Variants in HSF5 observed in about 807,000 individuals in gnomAD.
The protein encoded by HSF5 is heat shock factor protein 5.
A neutral mutation model predicts 50.8 loss-of-function variants in HSF5; 5 were observed. The observed-to-expected ratio is 0.10, with a 90% CI of 0.05 to 0.21. The LOEUF (loss-of-function observed/expected upper bound fraction) is 0.21, where lower values mean the gene tolerates loss of function less well. Ranked by LOEUF, HSF5 falls within the 10% of genes least tolerant of loss-of-function variation. HSF5 has a pLI of 1.00. For synonymous variants in HSF5, 307 were observed against 307.4 expected (o/e 1.00, Z 0.02); for missense variants, 564 against 762.6 (o/e 0.74, Z 3.07).
At position 58,459,019 on chromosome 17, in the gene HSF5, G is replaced by A. The variant is rs1054154288; in HGVS notation, c.1543-74C>T. The A allele has an allele frequency of 2.2e-6, 3 of 1,342,296 alleles. No individual in the cohort carries two copies. The African/African-American group carries it at 4.4e-5, about 20-fold the overall frequency. 83.1% of individuals were successfully genotyped at this position (1,342,296 alleles called of 1,614,324 possible). A position where few individuals can be genotyped will look rare whatever the true frequency, so the allele number is the denominator to read the frequency against. Reference sequence around the variant, plus strand: ...CTAAAAGTTAAGATATTTTATCAGAGGAGTTCTATTATGGGAACATGATCC... The same window carrying A: ...CTAAAAGTTAAGATATTTTATCAGAAGAGTTCTATTATGGGAACATGATCC... On this transcript the variant is annotated intron_variant, in intron 4 of 5. Transcript: ENST00000323777.
intron 2 of HSF5, among the ~76,000 whole-genome samples, chr17:58,477,294 A>AT (rs937356535): frequency 6.7e-6 from 1 of 149,602 alleles, no homozygotes; most frequent in African/African-American, 2.5e-5. Context: ...TAATTTTTGT[A>AT]TTTTTTTGGT....
chr17:58,454,599 CA>C (rs1974684913), intron 5 of HSF5, among the ~76,000 whole-genome samples: 1 of 151,938 alleles, frequency 6.6e-6, no homozygotes, highest in African/African-American at 2.4e-5. Flanking sequence ...AAGATTCCAC[CA>C]AAAAAATTGG....
intron 5 of HSF5, among the ~76,000 whole-genome samples, chr17:58,455,088 C>T (rs891659751): frequency 6.6e-6 from 1 of 151,994 alleles, no homozygotes; most frequent in Admixed American, 6.6e-5. Context: ...ACTACCAAAG[C>T]GATAGTAACC....
intron 5 of HSF5, among the ~76,000 whole-genome samples, chr17:58,433,911 ATTTTTTTTT>A (rs59043902): frequency 9.1e-6 from 1 of 109,362 alleles, no homozygotes; most frequent in Non-Finnish European, 1.8e-5. Flanking sequence ...GGTCAAAGGG[ATTTTTTTTT>A]TTTTTTTTTT....
chr17:58,438,460 C>G (rs1356149922), intron 5 of HSF5, among the ~76,000 whole-genome samples: 1 of 152,126 alleles, frequency 6.6e-6, no homozygotes, highest in Non-Finnish European at 1.5e-5. Context: ...GTGCTACTGG[C>G]TTTGCAGTCA....
At chr17:58,425,083 C>G (rs1404593458) in intron 5 of HSF5, among the ~76,000 whole-genome samples, 2 of 151,926 alleles carry the variant, frequency 1.3e-5, no homozygotes, top group Non-Finnish European at 2.9e-5. Flanking sequence ...TATTTCATGC[C>G]ACTGAACTGT....
chr17:58,435,893 C>A (rs1487701736), intron 5 of HSF5, among the ~76,000 whole-genome samples: 3 of 104,768 alleles, frequency 2.9e-5, no homozygotes, highest in Non-Finnish European at 5.2e-5. Context: ...AGCGAGACTC[C>A]ATCTCAAAAA....
At chr17:58,442,485 ACT>A (rs1974511835) in intron 5 of HSF5, among the ~76,000 whole-genome samples, 1 of 151,716 alleles carries the variant, frequency 6.6e-6, no homozygotes. Context: ...CTTTATAGAT[ACT>A]CTTTTATTGG....
At chr17:58,477,024 ACACGCGCGGGCGCTTGCT>A in intron 2 of HSF5, 1 of 560,178 alleles carries the variant, frequency 1.8e-6, no homozygotes, top group Non-Finnish European at 3.2e-6. Flanking sequence ...CCCTCACGGC[ACACGCGCGGGCGCTTGCT>A]GGGTCCAGCC....
chr17:58,441,705 G>A (rs560043973), intron 5 of HSF5, among the ~76,000 whole-genome samples: 1 of 152,358 alleles, frequency 6.6e-6, no homozygotes, highest in Non-Finnish European at 1.5e-5. Context: ...AACGCCAGAG[G>A]TGATGGAGAC....
intron 5 of HSF5, among the ~76,000 whole-genome samples, chr17:58,456,164 TATACACACAC>T (rs909579043): frequency 3.1e-5 from 4 of 130,514 alleles, no homozygotes; most frequent in African/African-American, 1.1e-4. Flanking sequence ...TGTGTGTGTA[TATACACACAC>T]ACACACACAC....
chr17:58,476,483 T>A (rs1469477414), intron 2 of HSF5: 1 of 1,100,738 alleles, frequency 9.1e-7, no homozygotes, highest in East Asian at 2.4e-5. Context: ...TTGATTTCAG[T>A]GGACTTTGAA....
rs1434345859 is a variant in HSF5 at position 58,431,408 on chromosome 17, A to C, written c.1721-8978T>G. ...TGTATCTAAACATAGAAAAGGTACC[A>C]TAAAACTACAGTGTTACAATCTTAC... is the stretch of plus-strand genomic sequence containing the variant. On this transcript the variant is annotated intron_variant, in intron 5 of 5. Transcript: ENST00000323777. 2.0e-5 allele frequency among the ~76,000 whole-genome samples: 3 copies of C among 152,226 alleles called. No homozygotes were observed. The East Asian group carries it at 5.8e-4, about 29-fold the overall frequency.
intron 5 of HSF5, among the ~76,000 whole-genome samples, chr17:58,457,552 T>C (rs1259168920): frequency 6.6e-6 from 1 of 151,116 alleles, no homozygotes; most frequent in Non-Finnish European, 1.5e-5. Context: ...TGAGCCAAGA[T>C]GCGCCACTGC....
chr17:58,477,967 G>A (rs940663784), intron 2 of HSF5, among the ~76,000 whole-genome samples: 35 of 151,990 alleles, frequency 2.3e-4, no homozygotes, highest in African/African-American at 2.4e-5. Flanking sequence ...GCAAAGGAAT[G>A]CCCCCTTTCT....
chr17:58,482,226 A>G (rs1402813723), intron 1 of HSF5, among the ~76,000 whole-genome samples: 2 of 152,204 alleles, frequency 1.3e-5, no homozygotes, highest in Non-Finnish European at 2.9e-5. Flanking sequence ...GGGGGAAAAA[A>G]TCCTACTTCA....
rs557524718 is a variant in HSF5, at chr17:58,435,623, T to G, written c.1721-13193A>C. On this transcript the variant is annotated intron_variant, in intron 5 of 5. Transcript: ENST00000323777. Reference sequence around the variant, plus strand: ...CCAGTGGTAATAAACATAAGAACAGTAAATATTGGCTGGGCGCTGTGGCTC... The same window carrying G: ...CCAGTGGTAATAAACATAAGAACAGGAAATATTGGCTGGGCGCTGTGGCTC... Among the ~76,000 whole-genome samples the G allele has an allele frequency of 3.4e-5, 5 of 148,290 alleles. No individual in the cohort carries two copies. In the South Asian group the frequency reaches 1.1e-3, roughly 32 times the overall value.
At chr17:58,427,448 T>C (rs1974310396) in intron 5 of HSF5, among the ~76,000 whole-genome samples, 1 of 152,196 alleles carries the variant, frequency 6.6e-6, no homozygotes, top group African/African-American at 2.4e-5. Flanking sequence ...AACATAATGA[T>C]ATTCCAACAG....
At chr17:58,430,614 C>T (rs73993669) in intron 5 of HSF5, among the ~76,000 whole-genome samples, 262 of 152,270 alleles carry the variant, frequency 1.7e-3, no homozygotes, top group African/African-American at 6.1e-3. Context: ...CTGGGACTTA[C>T]ACCACAAGCC....
Sources: allele counts gnomAD v4.1 joint callset (sites outside exome capture counted in the v4.1 genomes callset), GRCh38; gene constraint gnomAD v4.1.1; transcripts MANE v1.5; gene names NCBI Gene and HGNC (gene_info 2026-07-23, HGNC 2026-07-21).